KCNN3: variants seen among roughly 807,000 people sequenced by gnomAD.
KCNN3 encodes the protein small conductance calcium-activated potassium channel protein 3.
A neutral mutation model predicts 62.9 loss-of-function variants in KCNN3; 16 were observed. The observed-to-expected ratio is 0.25, with a 90% CI of 0.17 to 0.39. The LOEUF (loss-of-function observed/expected upper bound fraction) is 0.39, where lower values mean the gene tolerates loss of function less well. Ranked by LOEUF, KCNN3 falls within the 10% of genes least tolerant of loss-of-function variation. The pLI, the probability that KCNN3 is intolerant of heterozygous loss-of-function variation, is 1.00. For synonymous variants in KCNN3, 370 were observed against 389.2 expected (o/e 0.95, Z 0.58); for missense variants, 599 against 949.4 (o/e 0.63, Z 4.85).
intron 1 of KCNN3, among the ~76,000 whole-genome samples, chr1:154,852,133 A>G (rs1652325615): frequency 6.6e-6 from 1 of 152,238 alleles, no homozygotes; most frequent in South Asian, 2.1e-4. Flanking sequence ...TTTAAAATTA[A>G]ATATAAAAAG....
chr1:154,725,559 T>C (rs80115055), intron 5 of KCNN3, among the ~76,000 whole-genome samples: 5 of 151,714 alleles, frequency 3.3e-5, no homozygotes, highest in Admixed American at 6.6e-5. Context: ...TTTTTTTTTT[T>C]TTGAGATGGA....
intron 2 of KCNN3, among the ~76,000 whole-genome samples, chr1:154,792,145 C>A (rs772570039): frequency 2.0e-5 from 3 of 152,174 alleles, no homozygotes; most frequent in Non-Finnish European, 4.4e-5. Flanking sequence ...ACTGTGGGAA[C>A]CTTGAAAGGG....
intron 1 of KCNN3, among the ~76,000 whole-genome samples, chr1:154,839,575 C>T (rs1341847351): frequency 1.1e-5 from 1 of 91,940 alleles, no homozygotes; most frequent in African/African-American, 2.9e-5. Flanking sequence ...ATAATCCACA[C>T]CTGGCTGACG....
chr1:154,743,125 G>A (rs12121118), intron 3 of KCNN3, among the ~76,000 whole-genome samples: 73,006 of 150,092 alleles, frequency 0.49, 18,402 homozygotes, highest in East Asian at 0.78. Flanking sequence ...CTCTCACCTT[G>A]TCCAGCCCCA....
intron 2 of KCNN3, among the ~76,000 whole-genome samples, chr1:154,776,030 A>G (rs1171548934): frequency 6.6e-6 from 1 of 152,170 alleles, no homozygotes; most frequent in African/African-American, 2.4e-5. Flanking sequence ...GCTGAAGGGG[A>G]GAATGCACCG....
chr1:154,750,318 C>G (rs1403181250), intron 3 of KCNN3, among the ~76,000 whole-genome samples: 1 of 152,232 alleles, frequency 6.6e-6, no homozygotes, highest in Non-Finnish European at 1.5e-5. Flanking sequence ...TCCTGCACCC[C>G]TCCTCACCCA....
At chr1:154,757,047 G>A (rs1647756366) in intron 3 of KCNN3, among the ~76,000 whole-genome samples, 1 of 152,138 alleles carries the variant, frequency 6.6e-6, no homozygotes, top group Non-Finnish European at 1.5e-5. Flanking sequence ...GCATTCTCCG[G>A]GAGCAAGCAT....
chr1:154,733,160 C>T lies in KCNN3; in HGVS notation c.1449-16G>A, dbSNP rs377679157. On this transcript the variant is annotated splice_polypyrimidine_tract_variant and intron_variant, in intron 3 of 7. Transcript: ENST00000271915. ...GTCATGGTACCTGCCAATGGGAAGA[C>T]AGGAGTTAGTCGATGAACAGCCATT... 7.7e-5 allele frequency: 125 copies of T among 1,614,166 alleles called. No homozygotes were observed. Among genetic ancestry groups the T allele is most frequent in the Middle Eastern group, 6.6e-4 (4 of 6,060 alleles).
chr1:154,706,552 G>A lies in KCNN3; in HGVS notation c.*1424C>T, dbSNP rs1394467037. 1 of 152,182 alleles carries A rather than the reference G, an allele frequency of 6.6e-6. No individual in the cohort carries two copies. Among genetic ancestry groups the A allele is most frequent in the East Asian group, 1.9e-4 (1 of 5,202 alleles). The allele number at this position is 152,182 out of a possible 1,614,324, so 9.4% of individuals were successfully genotyped here. On this transcript the variant is annotated 3_prime_UTR_variant, in exon 8 of 8. Coordinates refer to ENST00000271915, the MANE Select transcript of KCNN3 (RefSeq NM_002249.6). ...AATCTTGATGTTTCTGAAGTCTCTT[G>A]GAGTTTGAGATGTATTGGAATAGTT...
chr1:154,859,954 G>A, intron 1 of KCNN3: 2 of 839,512 alleles, frequency 2.4e-6, no homozygotes, highest in Non-Finnish European at 3.6e-6. Flanking sequence ...TTTGCATGCT[G>A]TTCATTTAGT....
At chr1:154,708,895 TG>T in intron 7 of KCNN3, among the ~76,000 whole-genome samples, 1 of 152,334 alleles carries the variant, frequency 6.6e-6, no homozygotes, top group East Asian at 1.9e-4. Context: ...CAAAGGAGGC[TG>T]CCTTGCTGAG....
rs567926576 is a variant in KCNN3 at position 154,785,803 on chromosome 1, G to A, written c.1030-13410C>T. Among the ~76,000 whole-genome samples the A allele has an allele frequency of 1.4e-3, 213 of 152,024 alleles. 1 individual carries two copies. The highest frequency in any genetic ancestry group is 1.8e-3 in the Non-Finnish European group (120 of 67,986). On this transcript the variant is annotated intron_variant, in intron 2 of 7. Coordinates refer to ENST00000271915, the MANE Select transcript of KCNN3 (RefSeq NM_002249.6). ...TTTAGTAGAGGTGGGGTTTTGCGAT[G>A]TTGGCCAGGCTGGTCTCAAACTCCT...
rs1699838965 is a variant in KCNN3, at chr1:154,700,837, A to G, written c.*7139T>C. ...ATAATAATAATTTTAAAAAAGAAAA[A>G]ATCATTTAGTAGCAAAAAAAAGTGA... On this transcript the variant is annotated 3_prime_UTR_variant, in exon 8 of 8. Coordinates refer to ENST00000271915, the MANE Select transcript of KCNN3 (RefSeq NM_002249.6). 1 of 152,062 alleles carries G rather than the reference A, an allele frequency of 6.6e-6. No homozygotes were observed. The highest frequency in any genetic ancestry group is 6.6e-5 in the Admixed American group (1 of 15,262). The allele number at this position is 152,062 out of a possible 1,614,324, so 9.4% of individuals were successfully genotyped here. A position where few individuals can be genotyped will look rare whatever the true frequency, so the allele number is the denominator to read the frequency against.
rs1313871690 is a variant in KCNN3 at position 154,697,474 on chromosome 1, A to G, written c.*10502T>C. Reference sequence around the variant, plus strand: ...CTTGCATTTTTGGTTTTTTGGTTTTAGTCAGTTCTCTTCTTGTTTTTATTT... The same window carrying G: ...CTTGCATTTTTGGTTTTTTGGTTTTGGTCAGTTCTCTTCTTGTTTTTATTT... On this transcript the variant is annotated 3_prime_UTR_variant, in exon 8 of 8. Coordinates refer to ENST00000271915, the MANE Select transcript of KCNN3 (RefSeq NM_002249.6). The G allele has an allele frequency of 6.6e-6, 1 of 152,194 alleles. No individual in the cohort carries two copies. Among genetic ancestry groups the G allele is most frequent in the Non-Finnish European group, 1.5e-5 (1 of 68,034 alleles). The allele number at this position is 152,194 out of a possible 1,614,324, so 9.4% of individuals were successfully genotyped here.
chr1:154,760,000 T>C (rs1260389601), intron 3 of KCNN3, among the ~76,000 whole-genome samples: 1 of 152,118 alleles, frequency 6.6e-6, no homozygotes, highest in Non-Finnish European at 1.5e-5. Flanking sequence ...TTCTTTCTCC[T>C]CTCTTTCTTT....
At chr1:154,768,115 T>C (rs1648380206) in intron 3 of KCNN3, among the ~76,000 whole-genome samples, 1 of 152,200 alleles carries the variant, frequency 6.6e-6, no homozygotes, top group Non-Finnish European at 1.5e-5. Flanking sequence ...GGCAAGTCAC[T>C]TACCCTCTCT....
chr1:154,707,751 TCTC>T lies in KCNN3; in HGVS notation c.*222_*224del. 1 of 541,258 alleles carries T rather than the reference TCTC, an allele frequency of 1.8e-6. No individual in the cohort carries two copies. The highest frequency in any genetic ancestry group is 2.7e-5 in the South Asian group (1 of 37,158). The allele number at this position is 541,258 out of a possible 1,614,324, so 33.5% of individuals were successfully genotyped here. A position where few individuals can be genotyped will look rare whatever the true frequency, so the allele number is the denominator to read the frequency against. On this transcript the variant is annotated 3_prime_UTR_variant, in exon 8 of 8. Transcript: ENST00000271915. ...CTGCCAGAGGCGTCGCTTCCTGTCA[TCTC>T]CTCTTCCCGCTCCCAAGTAGAGGCA...
At chr1:154,773,988 C>T (rs1433126333) in intron 2 of KCNN3, among the ~76,000 whole-genome samples, 1 of 152,194 alleles carries the variant, frequency 6.6e-6, no homozygotes. Context: ...GCCAGATTGC[C>T]TGATCCTAAC....
chr1:154,867,106 G>T (rs533311804), intron 1 of KCNN3, among the ~76,000 whole-genome samples: 1 of 152,298 alleles, frequency 6.6e-6, no homozygotes, highest in Non-Finnish European at 1.5e-5. Flanking sequence ...TTGCATTTGG[G>T]CCTTCATCAG....
Sources: allele counts gnomAD v4.1 joint callset (sites outside exome capture counted in the v4.1 genomes callset), GRCh38; gene constraint gnomAD v4.1.1; transcripts MANE v1.5; gene names NCBI Gene and HGNC (gene_info 2026-07-23, HGNC 2026-07-21).